Variants in HDAC9 observed in about 807,000 individuals in gnomAD.
HDAC9 encodes the protein MEF-2 interacting transcription repressor (MITR) protein.
Under a neutral mutation model 139.4 loss-of-function variants are expected in HDAC9, and 41 were observed. The observed-to-expected ratio is 0.29, with a 90% confidence interval of 0.23 to 0.38. The LOEUF (loss-of-function observed/expected upper bound fraction) is 0.38. Ranked by LOEUF, HDAC9 falls within the 10% of genes least tolerant of loss-of-function variation. The probability of loss-of-function intolerance (pLI) is 1.00; values close to 1 mark genes in which losing one functional copy is unlikely to be tolerated. For missense variants in HDAC9, 1,147 were observed against 1,297.0 expected (o/e 0.88, Z 1.78); for synonymous variants, 517 against 476.2 (o/e 1.09, Z -1.12).
chr7:18,269,751 T>G (rs12666653), intron 2 of HDAC9, among the ~76,000 whole-genome samples: 1 of 151,794 alleles, frequency 6.6e-6, no homozygotes, highest in African/African-American at 2.4e-5. Context: ...TATATACATA[T>G]ATACACATAT....
At chr7:18,632,507 A>G (rs1337851704) in intron 7 of HDAC9, among the ~76,000 whole-genome samples, 1 of 152,030 alleles carries the variant, frequency 6.6e-6, no homozygotes, top group African/African-American at 2.4e-5. Flanking sequence ...CTTGGACCTT[A>G]TAGGTGGGAT....
intron 2 of HDAC9, among the ~76,000 whole-genome samples, chr7:18,532,497 G>A (rs1434757438): frequency 6.6e-6 from 1 of 151,958 alleles, no homozygotes; most frequent in Non-Finnish European, 1.5e-5. Flanking sequence ...GTTCTTTCTT[G>A]TTTAATTATA....
intron 2 of HDAC9, among the ~76,000 whole-genome samples, chr7:18,201,161 T>C (rs923316607): frequency 2.0e-5 from 3 of 152,122 alleles, no homozygotes; most frequent in Non-Finnish European, 4.4e-5. Flanking sequence ...TGCTGAAAGA[T>C]CCACTCCCCA....
chr7:18,374,753 C>G (rs79775819), intron 1 of HDAC9, among the ~76,000 whole-genome samples: 9,648 of 151,842 alleles, frequency 0.064, 587 homozygotes, highest in African/African-American at 0.16. Context: ...ATATTTAGAT[C>G]CTCTGCTGTT....
chr7:18,229,078 T>C (rs1466437395), intron 2 of HDAC9, among the ~76,000 whole-genome samples: 1 of 152,200 alleles, frequency 6.6e-6, no homozygotes, highest in African/African-American at 2.4e-5. Context: ...AAGGGGCCTA[T>C]GCAAGGAAAG....
rs768593577 is a variant in HDAC9, at chr7:18,629,490, G to A, written c.796+9G>A. Reference sequence around the variant, plus strand: ...AATGTTTGAGGTGACAGGTAATTGAGGACTGGGCAGACCTATGAATGCTGG... The same window carrying A: ...AATGTTTGAGGTGACAGGTAATTGAAGACTGGGCAGACCTATGAATGCTGG... On this transcript the variant is annotated intron_variant, in intron 7 of 25. Transcript: ENST00000686413. 6 of 1,610,034 alleles carry A rather than the reference G, an allele frequency of 3.7e-6. No individual in the cohort carries two copies. The highest frequency in any genetic ancestry group is 5.1e-6 in the Non-Finnish European group (6 of 1,177,722).
intron 2 of HDAC9, among the ~76,000 whole-genome samples, chr7:18,207,323 T>A (rs900492127): frequency 1.3e-5 from 2 of 152,106 alleles, no homozygotes; most frequent in Non-Finnish European, 2.9e-5. Context: ...TCTGGAAAAG[T>A]ATAAATAAGA....
intron 1 of HDAC9, among the ~76,000 whole-genome samples, chr7:18,365,621 C>T (rs1250272073): frequency 7.3e-6 from 1 of 136,092 alleles, no homozygotes; most frequent in African/African-American, 2.7e-5. Flanking sequence ...AAAGGCTTGA[C>T]TTTTATAGTC....
At chr7:18,730,586 G>A (rs1251595665) in intron 13 of HDAC9, among the ~76,000 whole-genome samples, 1 of 152,138 alleles carries the variant, frequency 6.6e-6, no homozygotes, top group East Asian at 1.9e-4. Flanking sequence ...ACCAGTTGAG[G>A]TCAATAGGAA....
intron 1 of HDAC9, among the ~76,000 whole-genome samples, chr7:18,118,460 TTTC>T (rs1349963384): frequency 1.3e-5 from 2 of 152,230 alleles, no homozygotes; most frequent in Non-Finnish European, 2.9e-5. Context: ...ATAAAAATTC[TTTC>T]TTCATTATAT....
intron 2 of HDAC9, among the ~76,000 whole-genome samples, chr7:18,168,891 T>G (rs147071498): frequency 0.064 from 7,372 of 114,664 alleles, 239 homozygotes; most frequent in Non-Finnish European, 0.068. Context: ...TTTTTTTTTT[T>G]TTTTTTTGTG....
At chr7:18,398,213 A>T (rs1043963064) in intron 1 of HDAC9, among the ~76,000 whole-genome samples, 2 of 152,182 alleles carry the variant, frequency 1.3e-5, no homozygotes, top group African/African-American at 4.8e-5. Flanking sequence ...ACAGTATTTC[A>T]AAATAAGCAA....
chr7:18,744,005 A>T (rs76437052), intron 13 of HDAC9, among the ~76,000 whole-genome samples: 6,376 of 145,832 alleles, frequency 0.044, 339 homozygotes, highest in East Asian at 0.21. Flanking sequence ...TCTCACTTTT[A>T]CTACTAGTTT....
At chr7:18,559,526 G>A (rs1281068427) in intron 2 of HDAC9, among the ~76,000 whole-genome samples, 2 of 152,108 alleles carry the variant, frequency 1.3e-5, no homozygotes, top group African/African-American at 2.4e-5. Flanking sequence ...GAGGGGGTAG[G>A]GACATGGAAG....
Position 18,132,578 on chromosome 7 carries a change from T to C in HDAC9, c.-96-29651T>C, listed in dbSNP as rs112075899. Reference sequence around the variant, plus strand: ...CACATACTACCACACCTGGCTTTGATTGAAGTTTTTAGCCTCCTTTTTGTG... The same window carrying C: ...CACATACTACCACACCTGGCTTTGACTGAAGTTTTTAGCCTCCTTTTTGTG... On this transcript the variant is annotated intron_variant, in intron 1 of 12. Coordinates refer to the HDAC9 transcript ENST00000417496. Among the ~76,000 whole-genome samples the C allele has an allele frequency of 2.9e-3, 444 of 152,244 alleles. 4 individuals carry two copies. Among genetic ancestry groups the C allele is most frequent in the Non-Finnish European group, 3.4e-3 (228 of 68,002 alleles).
At chr7:18,558,749 C>T (rs958168219) in intron 2 of HDAC9, among the ~76,000 whole-genome samples, 1 of 152,170 alleles carries the variant, frequency 6.6e-6, no homozygotes, top group Non-Finnish European at 1.5e-5. Context: ...TAAAAGTCAT[C>T]AAAGCACTTT....
At chr7:18,755,663 C>G (rs1375444147) in intron 14 of HDAC9, among the ~76,000 whole-genome samples, 2 of 151,858 alleles carry the variant, frequency 1.3e-5, no homozygotes, top group African/African-American at 4.8e-5. Flanking sequence ...TTTTTTCTTG[C>G]TTTCTGGTGA....
At chr7:18,156,687 C>G (rs1270475843) in intron 1 of HDAC9, among the ~76,000 whole-genome samples, 1 of 152,142 alleles carries the variant, frequency 6.6e-6, no homozygotes, top group South Asian at 2.1e-4. Context: ...AAGTACTCCA[C>G]TAACATAAGA....
intron 21 of HDAC9, among the ~76,000 whole-genome samples, chr7:18,873,562 T>C (rs1421358888): frequency 6.6e-6 from 1 of 152,168 alleles, no homozygotes. Context: ...AATTATGTCA[T>C]TATTGAAGGA....
Sources: allele counts gnomAD v4.1 joint callset (sites outside exome capture counted in the v4.1 genomes callset), GRCh38; gene constraint gnomAD v4.1.1; transcripts MANE v1.5; gene names NCBI Gene and HGNC (gene_info 2026-07-23, HGNC 2026-07-21).